The following AKAP6 variants were observed in gnomAD, a reference collection of about 807,000 sequenced individuals.
AKAP6 encodes A-kinase anchor protein 6.
A neutral mutation model predicts 188.5 loss-of-function variants in AKAP6; 58 were observed. The observed-to-expected ratio is 0.31, with a 90% CI of 0.25 to 0.38. AKAP6 has a LOEUF of 0.38. Ranked by LOEUF, AKAP6 falls within the 10% of genes least tolerant of loss-of-function variation. The probability of loss-of-function intolerance (pLI) is 1.00; values close to 1 mark genes in which losing one functional copy is unlikely to be tolerated. For synonymous variants in AKAP6, 989 were observed against 998.6 expected (o/e 0.99, Z 0.18); for missense variants, 2,710 against 2,740.0 (o/e 0.99, Z 0.24).
chr14:32,708,739 C>T (rs1237678072), intron 9 of AKAP6, among the ~76,000 whole-genome samples: 1 of 151,540 alleles, frequency 6.6e-6, no homozygotes, highest in Admixed American at 6.6e-5. Context: ...GATTTGTAAT[C>T]ACTTCACTTC....
At chr14:32,451,125 C>A (rs761306620) in intron 2 of AKAP6, among the ~76,000 whole-genome samples, 4 of 152,076 alleles carry the variant, frequency 2.6e-5, no homozygotes, top group Non-Finnish European at 5.9e-5. Flanking sequence ...GTCTGAAAGT[C>A]AGATTAGCCT....
intron 7 of AKAP6, among the ~76,000 whole-genome samples, chr14:32,660,086 A>G (rs1007645108): frequency 6.6e-6 from 1 of 152,168 alleles, no homozygotes; most frequent in Non-Finnish European, 1.5e-5. Context: ...GGCAGAACCT[A>G]TGATAGCTGG....
intron 1 of AKAP6, among the ~76,000 whole-genome samples, chr14:32,335,485 A>G (rs1313323532): frequency 6.6e-6 from 1 of 152,156 alleles, no homozygotes; most frequent in African/African-American, 2.4e-5. Flanking sequence ...TAGAAAAACT[A>G]AGGGACCATT....
intron 4 of AKAP6, among the ~76,000 whole-genome samples, chr14:32,557,880 CT>C (rs1164724997): frequency 6.6e-6 from 1 of 151,764 alleles, no homozygotes; most frequent in African/African-American, 2.4e-5. Context: ...TTTAACTTTC[CT>C]TCCTTGAGAG....
At chr14:32,424,322 C>T (rs1484745027) in intron 1 of AKAP6, among the ~76,000 whole-genome samples, 2 of 151,846 alleles carry the variant, frequency 1.3e-5, no homozygotes, top group African/African-American at 4.8e-5. Flanking sequence ...TGTTTCTTGG[C>T]CCCATCAAGC....
intron 12 of AKAP6, among the ~76,000 whole-genome samples, chr14:32,780,155 A>AATATATATATATATATATATATAT (rs1555361856): frequency 1.3e-4 from 12 of 91,438 alleles, no homozygotes; most frequent in Admixed American, 6.0e-4. Flanking sequence ...TGAAAAAAAA[A>AATATATATATATATATATATATAT]ACATATATAT....
At chr14:32,570,123 A>AC (rs1315645546) in intron 4 of AKAP6, among the ~76,000 whole-genome samples, 89 of 107,322 alleles carry the variant, frequency 8.3e-4, no homozygotes, top group East Asian at 5.2e-3. Context: ...CTGTGTGGGA[A>AC]CTTTTTTTTT....
intron 1 of AKAP6, among the ~76,000 whole-genome samples, chr14:32,405,403 T>G (rs1889254520): frequency 6.6e-6 from 1 of 152,186 alleles, no homozygotes; most frequent in Admixed American, 6.5e-5. Context: ...TTTTGACTCA[T>G]TCTTAAATTT....
intron 5 of AKAP6, among the ~76,000 whole-genome samples, chr14:32,582,418 G>T (rs1382245783): frequency 1.3e-5 from 2 of 151,130 alleles, no homozygotes; most frequent in South Asian, 2.1e-4. Context: ...CTCTCTGGCT[G>T]CCCTTAACAT....
chr14:32,396,653 GCTCT>G (rs1022434004), intron 1 of AKAP6, among the ~76,000 whole-genome samples: 4 of 151,664 alleles, frequency 2.6e-5, no homozygotes, highest in Non-Finnish European at 5.9e-5. Context: ...CCAGAAGTAA[GCTCT>G]CTCTCTCTCT....
At chr14:32,688,512 G>A (rs1046904582) in intron 8 of AKAP6, among the ~76,000 whole-genome samples, 1 of 152,112 alleles carries the variant, frequency 6.6e-6, no homozygotes, top group Non-Finnish European at 1.5e-5. Flanking sequence ...ATTTGGCTAT[G>A]AGCTATCCAT....
At position 32,585,729 on chromosome 14, in the gene AKAP6, T is replaced by C. The variant is rs569024368; in HGVS notation, c.2469+8487T>C. ...TTCTTAGGAGTGCAGAGAAAAATTT[T>C]ATTGGTTCTTTCTGGGAGTAGGGAA... On this transcript the variant is annotated intron_variant, in intron 5 of 13. Transcript: ENST00000280979. Among the ~76,000 whole-genome samples, 4 of 152,298 alleles carry C rather than the reference T, an allele frequency of 2.6e-5. No homozygotes were observed. The South Asian group carries it at 8.3e-4, about 32-fold the overall frequency.
chr14:32,603,050 A>G (rs1216101800), intron 7 of AKAP6, among the ~76,000 whole-genome samples: 4 of 152,198 alleles, frequency 2.6e-5, no homozygotes, highest in Non-Finnish European at 4.4e-5. Context: ...GGGAGTCACA[A>G]GAGGTTGGGC....
chr14:32,693,747 T>G (rs1444396821), intron 8 of AKAP6: 1 of 152,194 alleles, frequency 6.6e-6, no homozygotes, highest in Non-Finnish European at 1.5e-5. Context: ...CCCTTTGCTT[T>G]AATAATCCCT....
chr14:32,540,205 A>ATT (rs113054383), intron 3 of AKAP6, among the ~76,000 whole-genome samples: 3 of 52,676 alleles, frequency 5.7e-5, no homozygotes, highest in African/African-American at 1.5e-4. Context: ...TTAATTTTTT[A>ATT]TTTTTTTTTT....
At chr14:32,725,056 C>A (rs1203931153) in intron 9 of AKAP6, among the ~76,000 whole-genome samples, 1 of 117,224 alleles carries the variant, frequency 8.5e-6, no homozygotes, top group African/African-American at 3.2e-5. Context: ...CAATATTGTT[C>A]AGTGTGGGTT....
intron 1 of AKAP6, among the ~76,000 whole-genome samples, chr14:32,418,705 T>C (rs1889742053): frequency 1.3e-5 from 2 of 152,210 alleles, no homozygotes; most frequent in African/African-American, 4.8e-5. Context: ...GGATTCTTTT[T>C]AGAGGCATTT....
chr14:32,612,256 G>T (rs1308893771), intron 7 of AKAP6, among the ~76,000 whole-genome samples: 1 of 152,094 alleles, frequency 6.6e-6, no homozygotes, highest in African/African-American at 2.4e-5. Context: ...CTTTTCAAGT[G>T]ATTACCATCC....
chr14:32,697,051 A>T (rs1459055021), intron 9 of AKAP6, among the ~76,000 whole-genome samples: 1 of 152,180 alleles, frequency 6.6e-6, no homozygotes, highest in African/African-American at 2.4e-5. Context: ...ACAAGAAACA[A>T]CTACCTTCTA....
Sources: gnomAD v4.1 joint callset for allele counts (sites outside exome capture counted in the v4.1 genomes callset) on GRCh38, gnomAD v4.1.1 for gene constraint, MANE v1.5 for transcripts, NCBI Gene and HGNC (gene_info 2026-07-23, HGNC 2026-07-21) for gene names.